Variants in THRB observed in about 807,000 individuals in gnomAD.
THRB encodes the protein thyroid hormone receptor beta, also known as nuclear receptor subfamily 1 group A member 2.
A neutral mutation model predicts 47.8 loss-of-function variants in THRB; 12 were observed. That is an observed-to-expected ratio of 0.25 (90% CI 0.16 to 0.41). The LOEUF (loss-of-function observed/expected upper bound fraction) is 0.41. Among genes scored for constraint, THRB ranks in the 10% least tolerant of loss-of-function variants. THRB has a pLI of 1.00. For missense variants in THRB, 348 were observed against 589.2 expected (o/e 0.59, Z 4.24); for synonymous variants, 218 against 212.2 (o/e 1.03, Z -0.24).
chr3:24,258,996 G>T (rs913939914), intron 3 of THRB, among the ~76,000 whole-genome samples: 1 of 152,124 alleles, frequency 6.6e-6, no homozygotes, highest in Admixed American at 6.5e-5. Context: ...TAAATGGCTT[G>T]CCCAAGGTCA....
chr3:24,410,604 A>C (rs1410958624), intron 1 of THRB, among the ~76,000 whole-genome samples: 1 of 151,836 alleles, frequency 6.6e-6, no homozygotes, highest in Admixed American at 6.6e-5. Context: ...TTCAATGAAG[A>C]AAATTACCTG....
intron 1 of THRB, among the ~76,000 whole-genome samples, chr3:24,464,753 G>A (rs539757612): frequency 3.9e-4 from 60 of 152,006 alleles, no homozygotes; most frequent in African/African-American, 1.3e-3. Context: ...CTCCTCTACA[G>A]GTTTGGAGTC....
At chr3:24,317,125 A>G (rs1170717568) in intron 2 of THRB, among the ~76,000 whole-genome samples, 1 of 152,224 alleles carries the variant, frequency 6.6e-6, no homozygotes. Context: ...TTTATCCTGT[A>G]TATTTTATAA....
chr3:24,354,842 G>C (rs2063569002), intron 1 of THRB, among the ~76,000 whole-genome samples: 1 of 152,006 alleles, frequency 6.6e-6, no homozygotes, highest in Admixed American at 6.6e-5. Flanking sequence ...GAAGGCTCAA[G>C]ATAAAAAAGT....
intron 1 of THRB, among the ~76,000 whole-genome samples, chr3:24,372,719 C>T (rs1156880113): frequency 1.3e-5 from 2 of 152,078 alleles, no homozygotes; most frequent in African/African-American, 2.4e-5. Flanking sequence ...ATTTTACAGA[C>T]AGGAGAGTCC....
chr3:24,135,847 A>AAATT (rs3058819), intron 8 of THRB, among the ~76,000 whole-genome samples: 18,494 of 130,868 alleles, frequency 0.14, 1,875 homozygotes, highest in East Asian at 0.5. Context: ...ATATATATAT[A>AAATT]ATACATAAAT....
intron 3 of THRB, among the ~76,000 whole-genome samples, chr3:24,280,838 T>C (rs13089096): frequency 0.84 from 126,554 of 150,298 alleles, 53,550 homozygotes; most frequent in East Asian, 0.94. Flanking sequence ...AGGGTATCAG[T>C]GATGGAAGAT....
chr3:24,372,510 C>G (rs1362077938), intron 1 of THRB, among the ~76,000 whole-genome samples: 2 of 152,024 alleles, frequency 1.3e-5, no homozygotes, highest in Admixed American at 1.3e-4. Context: ...CTTCTGCATC[C>G]ATTGACATGC....
chr3:24,314,711 C>A (rs563799365), intron 2 of THRB, among the ~76,000 whole-genome samples: 1 of 152,280 alleles, frequency 6.6e-6, no homozygotes, highest in East Asian at 1.9e-4. Flanking sequence ...ATTCTTTCAG[C>A]CTTTCTTTGT....
intron 1 of THRB, among the ~76,000 whole-genome samples, chr3:24,468,559 TG>T (rs1179924245): frequency 6.6e-6 from 1 of 152,196 alleles, no homozygotes; most frequent in African/African-American, 2.4e-5. Flanking sequence ...ATTTCTACAT[TG>T]CTGTTTCTCA....
At chr3:24,139,685 C>T (rs1350299688) in intron 8 of THRB, among the ~76,000 whole-genome samples, 1 of 152,164 alleles carries the variant, frequency 6.6e-6, no homozygotes, top group Non-Finnish European at 1.5e-5. Flanking sequence ...TGTGGCCAGC[C>T]CTGTCTCTAT....
intron 1 of THRB, among the ~76,000 whole-genome samples, chr3:24,485,389 A>G (rs1697137594): frequency 6.6e-6 from 1 of 152,216 alleles, no homozygotes; most frequent in Admixed American, 6.5e-5. Flanking sequence ...TCTCGGAGAA[A>G]GTGAAATCTG....
At chr3:24,129,075 G>A (rs2033408327) in intron 9 of THRB, among the ~76,000 whole-genome samples, 1 of 151,970 alleles carries the variant, frequency 6.6e-6, no homozygotes, top group Non-Finnish European at 1.5e-5. Flanking sequence ...GGCATTTTAT[G>A]TTTTTTACTA....
At chr3:24,423,103 A>C (rs2069426271) in intron 1 of THRB, among the ~76,000 whole-genome samples, 1 of 151,850 alleles carries the variant, frequency 6.6e-6, no homozygotes, top group Non-Finnish European at 1.5e-5. Context: ...ATAACTAAGT[A>C]AGTCCTTCTT....
chr3:24,305,117 C>T (rs546297261), intron 2 of THRB, among the ~76,000 whole-genome samples: 62 of 152,242 alleles, frequency 4.1e-4, no homozygotes, highest in Admixed American at 9.8e-4. Context: ...TTGAAAAAGA[C>T]GAAAACCTCC....
chr3:24,482,457 T>C (rs539418587), intron 1 of THRB, among the ~76,000 whole-genome samples: 1 of 152,266 alleles, frequency 6.6e-6, no homozygotes, highest in South Asian at 2.1e-4. Flanking sequence ...CATAGATACC[T>C]ACCCTTCCCT....
At chr3:24,424,128 C>T (rs924925831) in intron 1 of THRB, among the ~76,000 whole-genome samples, 3 of 151,734 alleles carry the variant, frequency 2.0e-5, no homozygotes, top group Non-Finnish European at 4.4e-5. Context: ...TTTTGGTGGA[C>T]AAAAGTTTTC....
chr3:24,382,181 G>T (rs2065763507), intron 1 of THRB, among the ~76,000 whole-genome samples: 1 of 151,848 alleles, frequency 6.6e-6, no homozygotes, highest in South Asian at 2.1e-4. Context: ...GAGTGAGTTT[G>T]GACCTTCAGA....
At chr3:24,471,520 C>A (rs988557485) in intron 1 of THRB, among the ~76,000 whole-genome samples, 8 of 152,088 alleles carry the variant, frequency 5.3e-5, no homozygotes, top group African/African-American at 1.9e-4. Context: ...TTGATTTGGA[C>A]CCACCATTCC....
Sources: allele counts gnomAD v4.1 joint callset (sites outside exome capture counted in the v4.1 genomes callset), GRCh38; gene constraint gnomAD v4.1.1; transcripts MANE v1.5; gene names NCBI Gene and HGNC (gene_info 2026-07-23, HGNC 2026-07-21).